The following SHROOM4 variants were observed in gnomAD, a reference collection of about 807,000 sequenced individuals.
SHROOM4 encodes the protein protein Shroom4.
A neutral mutation model predicts 80.3 loss-of-function variants in SHROOM4; 17 were observed. That is an observed-to-expected ratio of 0.21 (90% CI 0.14 to 0.32). SHROOM4 has a LOEUF of 0.32. SHROOM4 is among the 10% of genes least tolerant of loss of function. SHROOM4 has a pLI of 1.00. For synonymous variants in SHROOM4, 400 were observed against 437.5 expected, an observed-to-expected ratio of 0.91 and a Z score of 1.07; for missense variants, 993 against 1,140.3, an observed-to-expected ratio of 0.87 and a Z score of 1.86.
chrX:50,711,795 C>T (rs894960578), intron 1 of SHROOM4, among the ~76,000 whole-genome samples: 2 of 112,128 alleles, frequency 1.8e-5, no homozygotes, highest in African/African-American at 3.2e-5. Flanking sequence ...TGTTATAAAA[C>T]GTCAGAAACA....
chrX:50,680,467 A>T (rs1337939685), intron 2 of SHROOM4, among the ~76,000 whole-genome samples: 1 of 111,095 alleles, frequency 9.0e-6, no homozygotes, highest in Admixed American at 9.6e-5. Context: ...CCAACTGATT[A>T]CATTTTGTCA....
At chrX:50,793,102 A>C (rs1470281115) in intron 1 of SHROOM4, among the ~76,000 whole-genome samples, 7 of 110,001 alleles carry the variant, frequency 6.4e-5, no homozygotes, top group African/African-American at 2.3e-4. Context: ...ACACAATGAA[A>C]TATCATTCCA....
chrX:50,642,019 G>T (rs1301275222), intron 2 of SHROOM4, among the ~76,000 whole-genome samples: 3 of 112,414 alleles, frequency 2.7e-5, no homozygotes, highest in African/African-American at 9.7e-5. Context: ...AAGACTGGAA[G>T]AAGAAAAATC....
At chrX:50,723,246 C>G (rs1360032891) in intron 1 of SHROOM4, among the ~76,000 whole-genome samples, 1 of 94,317 alleles carries the variant, frequency 1.1e-5, no homozygotes, top group African/African-American at 3.9e-5. Flanking sequence ...ATCTACTATT[C>G]TTAAATGGGA....
At chrX:50,705,281 T>C (rs190133094) in intron 1 of SHROOM4, among the ~76,000 whole-genome samples, 7,629 of 110,242 alleles carry the variant, frequency 0.069, 654 homozygotes, top group African/African-American at 0.24. Context: ...AGAAAAAAAA[T>C]GCACTCAATT....
intron 1 of SHROOM4, among the ~76,000 whole-genome samples, chrX:50,777,512 T>A (rs1276384432): frequency 8.9e-6 from 1 of 112,019 alleles, no homozygotes; most frequent in Non-Finnish European, 1.9e-5. Flanking sequence ...AATGCATTCA[T>A]ATCATGGGTT....
chrX:50,799,399 A>G lies in SHROOM4; in HGVS notation c.117+14503T>C, dbSNP rs142090994. The stretch of plus-strand genomic sequence containing the variant: ...GTGTCTTTTAAACTGTCACAGTACT[A>G]CTACTGTGAATTTCAACCTGTTCCC... On this transcript the variant is annotated intron_variant, in intron 1 of 8. Coordinates refer to ENST00000376020, the MANE Select transcript of SHROOM4 (RefSeq NM_020717.5). Among the ~76,000 whole-genome samples the G allele has an allele frequency of 8.6e-3, 965 of 111,753 alleles. 10 individuals are homozygous for G. The highest frequency in any genetic ancestry group is 0.029 in the African/African-American group (887 of 30,785).
rs145647007 is a variant in SHROOM4, at chrX:50,810,379, C to G, written c.117+3523G>C. Among the ~76,000 whole-genome samples, 598 of 110,878 alleles carry G rather than the reference C, an allele frequency of 5.4e-3. 5 individuals carry two copies. Among genetic ancestry groups the G allele is most frequent in the African/African-American group, 0.019 (583 of 30,459 alleles). On this transcript the variant is annotated intron_variant, in intron 1 of 8. Coordinates refer to ENST00000376020, the MANE Select transcript of SHROOM4 (RefSeq NM_020717.5). Reference sequence around the variant, plus strand: ...CCACTAATCACTACTTTTTCAAATTCCCCCACTCCCCAGATATCTCCACTT... The same window carrying G: ...CCACTAATCACTACTTTTTCAAATTGCCCCACTCCCCAGATATCTCCACTT...
intron 5 of SHROOM4, among the ~76,000 whole-genome samples, chrX:50,618,672 G>A (rs1194706843): frequency 9.0e-6 from 1 of 111,511 alleles, no homozygotes; most frequent in Non-Finnish European, 1.9e-5. Flanking sequence ...ACAGGCGTGA[G>A]CCACCGCACC....
chrX:50,611,436 G>A (rs1177005680), intron 5 of SHROOM4, among the ~76,000 whole-genome samples: 1 of 110,402 alleles, frequency 9.1e-6, no homozygotes, highest in African/African-American at 3.3e-5. Flanking sequence ...ATGACAATAC[G>A]GTAACACTAG....
Position 50,607,408 on chromosome X carries a change from G to C in SHROOM4, c.3734C>G (p.Ser1245Trp), listed in dbSNP as rs12689863. 3 of 1,208,939 alleles carry C rather than the reference G, an allele frequency of 2.5e-6. No homozygotes were observed. The African/African-American group carries it at 5.3e-5, about 21-fold the overall frequency. ...GGCGGATTCAGTGGCTTCCTGTCCC[G>C]ATGTCCTCCAAAGCCCACCAATGCC... ...YYGIGGLWRT[S>W]GQEATESAKQ... Residue 1245 changes from serine (S) to tryptophan (W), a missense_variant, in exon 6 of 9, where the codon TCG (serine) becomes TGG (tryptophan). Ser to Trp is a radical substitution (Grantham distance 177). Transcript: ENST00000376020.
At chrX:50,813,278 G>C (rs1936388084) in intron 1 of SHROOM4, among the ~76,000 whole-genome samples, 1 of 111,760 alleles carries the variant, frequency 8.9e-6, no homozygotes, top group African/African-American at 3.2e-5. Flanking sequence ...AAATCTCGCC[G>C]GCGCTGGGGC....
At chrX:50,758,230 G>A (rs782177763) in intron 1 of SHROOM4, among the ~76,000 whole-genome samples, 2 of 111,559 alleles carry the variant, frequency 1.8e-5, no homozygotes, top group Non-Finnish European at 3.8e-5. Context: ...AATTGCCTTG[G>A]ATAGAATCTG....
At chrX:50,660,800 C>A (rs1288588767) in intron 2 of SHROOM4, among the ~76,000 whole-genome samples, 1 of 108,439 alleles carries the variant, frequency 9.2e-6, no homozygotes, top group Non-Finnish European at 1.9e-5. Context: ...GACTTTTTGT[C>A]AAGACAGGGT....
intron 1 of SHROOM4, among the ~76,000 whole-genome samples, chrX:50,753,003 A>G (rs1169103329): frequency 8.9e-6 from 1 of 111,918 alleles, no homozygotes; most frequent in African/African-American, 3.2e-5. Flanking sequence ...AACCTCTGAG[A>G]GATGGAGTGT....
chrX:50,648,090 G>T (rs1408663681), intron 2 of SHROOM4, among the ~76,000 whole-genome samples: 1 of 112,121 alleles, frequency 8.9e-6, no homozygotes, highest in Non-Finnish European at 1.9e-5. Context: ...TGATGGATTT[G>T]TGTGTGTGGG....
chrX:50,651,260 A>G (rs938104086), intron 2 of SHROOM4, among the ~76,000 whole-genome samples: 1 of 112,049 alleles, frequency 8.9e-6, no homozygotes, highest in Non-Finnish European at 1.9e-5. Flanking sequence ...AAAGCCATCT[A>G]ACTGCTAATA....
At chrX:50,779,956 T>C (rs1296018732) in intron 1 of SHROOM4, among the ~76,000 whole-genome samples, 2 of 111,172 alleles carry the variant, frequency 1.8e-5, no homozygotes. Flanking sequence ...GTGGAGAGAA[T>C]AGGCCCAGGG....
Position 50,591,693 on chromosome X carries a change from C to G in SHROOM4, c.*5002G>C. On this transcript the variant is annotated 3_prime_UTR_variant, in exon 9 of 9. Coordinates refer to ENST00000376020, the MANE Select transcript of SHROOM4 (RefSeq NM_020717.5). ...GTTTTCTTTCTTTCTTTCTTTCTTT[C>G]TTTTCTTTCTTTCTTTCTTTCTTTC... The G allele has an allele frequency of 4.4e-6, 1 of 228,530 alleles. No homozygotes were observed. Among genetic ancestry groups the G allele is most frequent in the Non-Finnish European group, 7.5e-6 (1 of 133,749 alleles). 18.8% of individuals were successfully genotyped at this position (228,530 alleles called of 1,213,427 possible).
Sources: allele counts gnomAD v4.1 joint callset (sites outside exome capture counted in the v4.1 genomes callset), GRCh38; gene constraint gnomAD v4.1.1; transcripts MANE v1.5; gene names NCBI Gene and HGNC (gene_info 2026-07-23, HGNC 2026-07-21).